Variants in MGMT observed in about 807,000 individuals in gnomAD.
The protein encoded by MGMT is O-6-methylguanine-DNA methyltransferase.
Under a neutral mutation model 15.9 loss-of-function variants are expected in MGMT, and 14 were observed. The observed-to-expected ratio is 0.88, with a 90% CI of 0.58 to 1.37. The LOEUF (loss-of-function observed/expected upper bound fraction) is 1.37, where lower values mean the gene tolerates loss of function less well. Among genes scored for constraint, MGMT ranks in the 40% most tolerant of loss-of-function variants. The probability of loss-of-function intolerance (pLI) is 0.00; values close to 1 mark genes in which losing one functional copy is unlikely to be tolerated. For synonymous variants in MGMT, 130 were observed against 118.2 expected, an observed-to-expected ratio of 1.10 and a Z score of -0.65; for missense variants, 282 against 268.1, an observed-to-expected ratio of 1.05 and a Z score of -0.36.
chr10:129,687,275 T>G (rs1011622617), intron 2 of MGMT, among the ~76,000 whole-genome samples: 18 of 152,124 alleles, frequency 1.2e-4, no homozygotes, highest in Non-Finnish European at 1.3e-4. Flanking sequence ...TTACCTTAGG[T>G]ACATATATTG....
intron 1 of MGMT, among the ~76,000 whole-genome samples, chr10:129,475,447 C>T (rs377027984): frequency 2.8e-4 from 43 of 151,930 alleles, no homozygotes; most frequent in African/African-American, 9.9e-4. Flanking sequence ...CTTTAACGCT[C>T]GAGGGGAAGT....
At chr10:129,539,443 C>T (rs148691058) in intron 2 of MGMT, among the ~76,000 whole-genome samples, 163 of 152,246 alleles carry the variant, frequency 1.1e-3, no homozygotes, top group African/African-American at 3.9e-3. Context: ...TTCAGCCTAC[C>T]TTTGCCTGTT....
chr10:129,735,200 T>C (rs1848546205), intron 3 of MGMT, among the ~76,000 whole-genome samples: 1 of 152,236 alleles, frequency 6.6e-6, no homozygotes, highest in Non-Finnish European at 1.5e-5. Context: ...CTGGACTCTT[T>C]TTGTTGATAA....
rs898627728 is a variant in MGMT at position 129,631,652 on chromosome 10, G to A, written c.126-76243G>A. 2.2e-4 allele frequency among the ~76,000 whole-genome samples: 33 copies of A among 151,934 alleles called. 1 individual carries two copies. Among genetic ancestry groups the A allele is most frequent in the Middle Eastern group, 6.8e-3 (2 of 294 alleles). On this transcript the variant is annotated intron_variant, in intron 2 of 4. Coordinates refer to ENST00000651593, the MANE Select transcript of MGMT (RefSeq NM_002412.5). ...AGCCTGGGCAACAAGGCAAAACCCC[G>A]TCTCCACCAAAAATACAAAAAATTA...
rs141036456 is a variant in MGMT at position 129,621,968 on chromosome 10, A to G, written c.125+85591A>G. Among the ~76,000 whole-genome samples the G allele has an allele frequency of 7.0e-4, 107 of 152,336 alleles. 1 individual carries two copies. The East Asian group carries it at 0.017, about 24-fold the overall frequency. ...TGACTATTTATGAGTCATTTTATTT[A>G]TTCATTATCCATCTAAAGAGTAGCA... On this transcript the variant is annotated intron_variant, in intron 2 of 4. Coordinates refer to ENST00000651593, the MANE Select transcript of MGMT (RefSeq NM_002412.5).
chr10:129,619,607 TTTTC>T (rs1296625600), intron 2 of MGMT, among the ~76,000 whole-genome samples: 3 of 152,186 alleles, frequency 2.0e-5, no homozygotes, highest in Admixed American at 6.5e-5. Flanking sequence ...GGGCCTGGAA[TTTTC>T]TTTGTGGGAA....
intron 1 of MGMT, among the ~76,000 whole-genome samples, chr10:129,491,677 T>C (rs1184916956): frequency 1.3e-5 from 2 of 152,190 alleles, no homozygotes; most frequent in Non-Finnish European, 1.5e-5. Context: ...CTGAGCTCTC[T>C]GGCAGATCAC....
At chr10:129,621,089 A>G (rs946866802) in intron 2 of MGMT, among the ~76,000 whole-genome samples, 1 of 152,234 alleles carries the variant, frequency 6.6e-6, no homozygotes, top group East Asian at 1.9e-4. Flanking sequence ...GACTCGGGCA[A>G]CTGAAGGAAC....
chr10:129,556,660 G>T lies in MGMT; in HGVS notation c.125+20283G>T, dbSNP rs967496101. ...ATCCCAGACAGTGTTCATAAACACC[G>T]ACGGCAAAGTCAGGACGGGCAGGAG... On this transcript the variant is annotated intron_variant, in intron 2 of 4. Coordinates refer to ENST00000651593, the MANE Select transcript of MGMT (RefSeq NM_002412.5). The surrounding 1 kb of genome is among the most constrained non-coding windows in gnomAD (Gnocchi z 4.3). 6.6e-6 allele frequency among the ~76,000 whole-genome samples: 1 copy of T among 152,186 alleles called. No homozygotes were observed. Among genetic ancestry groups the T allele is most frequent in the South Asian group, 2.1e-4 (1 of 4,828 alleles).
rs771035936 is a variant in MGMT at position 129,770,538 on chromosome 10, G to C, written c.*3541G>C. Among the ~76,000 whole-genome samples the C allele has an allele frequency of 6.6e-6, 1 of 152,210 alleles. No homozygotes were observed. The highest frequency in any genetic ancestry group is 1.9e-4 in the East Asian group (1 of 5,182). On this transcript the variant is annotated 3_prime_UTR_variant, in exon 5 of 5. Transcript: ENST00000651593. ...TCCATGCACCCGTAGCTGTGACCAT[G>C]GGCGGTGGCGCCAGCTCGGACTTCA...
At chr10:129,644,820 G>A (rs1324104211) in intron 2 of MGMT, among the ~76,000 whole-genome samples, 1 of 152,210 alleles carries the variant, frequency 6.6e-6, no homozygotes, top group Admixed American at 6.5e-5. Flanking sequence ...GCCTGTGTTT[G>A]TAGGGCTCAC....
At chr10:129,492,590 A>T (rs150703580) in intron 1 of MGMT, among the ~76,000 whole-genome samples, 2 of 152,116 alleles carry the variant, frequency 1.3e-5, no homozygotes, top group African/African-American at 4.8e-5. Context: ...GCCATCCCCA[A>T]TGGGCCACCC....
intron 2 of MGMT, among the ~76,000 whole-genome samples, chr10:129,604,012 GTC>G (rs1846856262): frequency 6.6e-6 from 1 of 152,186 alleles, no homozygotes; most frequent in South Asian, 2.1e-4. Flanking sequence ...GTGTGCGTGT[GTC>G]TGCGGGTGCC....
chr10:129,575,798 AAAG>A (rs1168060858), intron 2 of MGMT, among the ~76,000 whole-genome samples: 7 of 149,524 alleles, frequency 4.7e-5, no homozygotes, highest in Admixed American at 1.3e-4. Context: ...CAAGACTAAT[AAAG>A]AAGAAAAGAG....
At position 129,638,440 on chromosome 10, in the gene MGMT, AAAAAAG is replaced by A. The variant is rs1247501782; in HGVS notation, c.126-69449_126-69444del. Among the ~76,000 whole-genome samples, 51 of 119,302 alleles carry A rather than the reference AAAAAAG, an allele frequency of 4.3e-4. No homozygotes were observed. The East Asian group carries it at 0.01, about 23-fold the overall frequency. 78.3% of individuals were successfully genotyped at this position (119,302 alleles called of 152,430 possible). On this transcript the variant is annotated intron_variant, in intron 2 of 4. Coordinates refer to ENST00000651593, the MANE Select transcript of MGMT (RefSeq NM_002412.5). The stretch of plus-strand genomic sequence containing the variant: ...GAGGACCAAAGAGGCAAAAAAAAAA[AAAAAAG>A]AAAAAAAAAAGAAAAATAACTGACG...
intron 2 of MGMT, among the ~76,000 whole-genome samples, chr10:129,634,839 A>G (rs1306438521): frequency 6.6e-6 from 1 of 152,188 alleles, no homozygotes; most frequent in Admixed American, 6.5e-5. Flanking sequence ...GTAATGGATC[A>G]TATTTTCCTG....
At chr10:129,674,364 G>T (rs1395424708) in intron 2 of MGMT, among the ~76,000 whole-genome samples, 1 of 152,154 alleles carries the variant, frequency 6.6e-6, no homozygotes, top group Non-Finnish European at 1.5e-5. Flanking sequence ...ACACGTTAGC[G>T]GTGGGAACTG....
chr10:129,493,169 A>T (rs771418458), intron 1 of MGMT, among the ~76,000 whole-genome samples: 1 of 152,054 alleles, frequency 6.6e-6, no homozygotes, highest in South Asian at 2.1e-4. Context: ...TAAATTAGGG[A>T]TGCTTTTCCC....
At chr10:129,668,623 G>A (rs547487328) in intron 2 of MGMT, among the ~76,000 whole-genome samples, 4 of 151,966 alleles carry the variant, frequency 2.6e-5, no homozygotes, top group Non-Finnish European at 2.9e-5. Flanking sequence ...CCACCATACC[G>A]CACTACTTTA....
Sources: allele counts gnomAD v4.1 joint callset (sites outside exome capture counted in the v4.1 genomes callset), GRCh38; gene constraint gnomAD v4.1.1; non-coding constraint Gnocchi (gnomAD v3.1); transcripts MANE v1.5; gene names NCBI Gene and HGNC (gene_info 2026-07-23, HGNC 2026-07-21).